Variants in SLC8B1 observed in about 807,000 individuals in gnomAD.
SLC8B1 encodes solute carrier family 8 member B1, also known as mitochondrial sodium/calcium exchanger protein.
A neutral mutation model predicts 63.4 loss-of-function variants in SLC8B1; 52 were observed. The ratio of observed to expected loss-of-function variants is 0.82; its 90% confidence interval spans 0.66 to 1.03. The LOEUF (loss-of-function observed/expected upper bound fraction) is 1.03. SLC8B1 is among the 50% of genes least tolerant of loss of function. The pLI, the probability that SLC8B1 is intolerant of heterozygous loss-of-function variation, is 0.00. For synonymous variants in SLC8B1, 336 were observed against 323.9 expected, an observed-to-expected ratio of 1.04 and a Z score of -0.40; for missense variants, 657 against 741.7, an observed-to-expected ratio of 0.89 and a Z score of 1.33.
In SLC8B1 at chr12:113,335,044, T is replaced by G. The variant is rs1390467092; in HGVS notation, c.-684A>C. The stretch of plus-strand genomic sequence containing the variant: ...CTCCGAACCTCGACCTCGCAGGGCC[T>G]CGCAGCCTTCCAGGTCCCTGGCCGC... On this transcript the variant is annotated 5_prime_UTR_variant, in exon 1 of 16. Coordinates refer to ENST00000680972, the MANE Select transcript of SLC8B1 (RefSeq NM_001358345.2). 2.6e-5 allele frequency: 4 copies of G among 152,356 alleles called. No individual in the cohort carries two copies. The highest frequency in any genetic ancestry group is 9.6e-5 in the African/African-American group (4 of 41,474). 9.4% of individuals were successfully genotyped at this position (152,356 alleles called of 1,614,324 possible). A position where few individuals can be genotyped will look rare whatever the true frequency, so the allele number is the denominator to read the frequency against.
Position 113,320,756 on chromosome 12 carries a change from C to A in SLC8B1, c.421-70G>T. The stretch of plus-strand genomic sequence containing the variant: ...CACCCAGGCCTTCGACCCTATCCCC[C>A]AGCTTCCCCACACGGGGATAGACAT... On this transcript the variant is annotated intron_variant, in intron 5 of 15. Transcript: ENST00000680972. This position sits in a 1 kb window ranked among gnomAD's most constrained non-coding sequence, Gnocchi z 5.3. 1 of 1,580,064 alleles carries A rather than the reference C, an allele frequency of 6.3e-7. No individual in the cohort carries two copies. Among genetic ancestry groups the A allele is most frequent in the East Asian group, 2.3e-5 (1 of 43,744 alleles).
intron 1 of SLC8B1, among the ~76,000 whole-genome samples, chr12:113,333,203 C>T (rs1957080204): frequency 6.8e-6 from 1 of 146,004 alleles, no homozygotes; most frequent in East Asian, 2.8e-4. Flanking sequence ...TCCCACCTGG[C>T]CCCCAGCCTG....
chr12:113,300,178 C>T (rs1313949409), intron 15 of SLC8B1, among the ~76,000 whole-genome samples: 1 of 152,182 alleles, frequency 6.6e-6, no homozygotes, highest in Admixed American at 6.5e-5. Context: ...AATGCACCCT[C>T]AACAACAATG....
chr12:113,307,559 A>G (rs1956692629), intron 13 of SLC8B1, 132 bp downstream of exon 13: 2 of 1,110,632 alleles, frequency 1.8e-6, no homozygotes, highest in Non-Finnish European at 2.5e-6. Context: ...CCACAGTGAC[A>G]GGGGACACTG....
Position 113,332,976 on chromosome 12 carries a change from G to A in SLC8B1, c.-82-16C>T. ...CTCCGGTGGCCTGCAAGGTGGGAGTGAGAAAGGGGGACAACATTACTGAAA... is the reference window on the plus strand; with the variant it reads ...CTCCGGTGGCCTGCAAGGTGGGAGTAAGAAAGGGGGACAACATTACTGAAA... On this transcript the variant is annotated splice_polypyrimidine_tract_variant and intron_variant, in intron 1 of 15. Coordinates refer to ENST00000680972, the MANE Select transcript of SLC8B1 (RefSeq NM_001358345.2). The A allele has an allele frequency of 7.0e-7, 1 of 1,438,004 alleles. No homozygotes were observed. The highest frequency in any genetic ancestry group is 1.3e-5 in the South Asian group (1 of 77,562). 89.1% of individuals were successfully genotyped at this position (1,438,004 alleles called of 1,614,324 possible). A position where few individuals can be genotyped will look rare whatever the true frequency, so the allele number is the denominator to read the frequency against.
At chr12:113,311,095 G>A (rs1438395041) in intron 11 of SLC8B1, among the ~76,000 whole-genome samples, 4 of 152,094 alleles carry the variant, frequency 2.6e-5, no homozygotes, top group African/African-American at 7.2e-5. Context: ...CGTGCAGATC[G>A]CTTGAGCCCA....
At chr12:113,306,150 G>A (rs1454724281) in intron 14 of SLC8B1, among the ~76,000 whole-genome samples, 3 of 144,950 alleles carry the variant, frequency 2.1e-5, no homozygotes, top group Non-Finnish European at 4.5e-5. Context: ...ACCATGACAT[G>A]TCGCTATGAG....
chr12:113,333,075 T>C, intron 1 of SLC8B1, 115 bp from the exon 2 acceptor site: 1 of 646,690 alleles, frequency 1.5e-6, no homozygotes, highest in Non-Finnish European at 2.6e-6. Flanking sequence ...GCAGCAAAGT[T>C]AAGCTGACGG....
Position 113,306,646 on chromosome 12 carries a change from A to G in SLC8B1, c.1412-71T>C, listed in dbSNP as rs753545091. 7.9e-6 allele frequency: 10 copies of G among 1,268,528 alleles called. No individual in the cohort carries two copies. The East Asian group carries it at 2.4e-4, about 30-fold the overall frequency. The allele number at this position is 1,268,528 out of a possible 1,614,324, so 78.6% of individuals were successfully genotyped here. ...ACCCTCCCTGGTCATCCACGCCTTC[A>G]TTCTCACCCACGGTCATTCAGGCAA... On this transcript the variant is annotated intron_variant, in intron 13 of 15. Coordinates refer to ENST00000680972, the MANE Select transcript of SLC8B1 (RefSeq NM_001358345.2).
rs1449389172 is a variant in SLC8B1 at position 113,299,060 on chromosome 12, A to AG, written c.*716dup. On this transcript the variant is annotated 3_prime_UTR_variant, in exon 16 of 16. Transcript: ENST00000680972. ...AGCACAAAGGAGTCTGTGGACAGGC[A>AG]GGGGCAGAATCCTGGAGGGAGCGCC... is the stretch of plus-strand genomic sequence containing the variant. 6.6e-6 allele frequency: 1 copy of AG among 152,666 alleles called. No individual in the cohort carries two copies. The allele number at this position is 152,666 out of a possible 1,614,324, so 9.5% of individuals were successfully genotyped here.
rs1054043196 is a variant in SLC8B1 at position 113,316,337 on chromosome 12, G to A, written c.993+189C>T. Among the ~76,000 whole-genome samples, 12 of 152,196 alleles carry A rather than the reference G, an allele frequency of 7.9e-5. No homozygotes were observed. The South Asian group carries it at 2.5e-3, about 32-fold the overall frequency. On this transcript the variant is annotated intron_variant, in intron 10 of 15. Coordinates refer to ENST00000680972, the MANE Select transcript of SLC8B1 (RefSeq NM_001358345.2). ...ATGGATGTCTTTAGGGGCCACTAGA[G>A]GGCAGAGCCCCAGGTCAAGCCATCA...
At position 113,334,783 on chromosome 12, in the gene SLC8B1, T is replaced by G. The variant is rs1957107163; in HGVS notation, c.-423A>C. On this transcript the variant is annotated 5_prime_UTR_variant, in exon 1 of 16. Transcript: ENST00000680972. ...TACTGATTCACTAGTGAGCATTTAT[T>G]GAGCGCCTTCTGTACGCGTGGGCCG... is the stretch of plus-strand genomic sequence containing the variant. The G allele has an allele frequency of 1.3e-5, 2 of 152,260 alleles. No individual in the cohort carries two copies. Among genetic ancestry groups the G allele is most frequent in the African/African-American group, 4.8e-5 (2 of 41,470 alleles). 9.4% of individuals were successfully genotyped at this position (152,260 alleles called of 1,614,324 possible). A position where few individuals can be genotyped will look rare whatever the true frequency, so the allele number is the denominator to read the frequency against.
At chr12:113,318,215 ATG>A (rs149224597) in intron 8 of SLC8B1, among the ~76,000 whole-genome samples, 30 of 151,092 alleles carry the variant, frequency 2.0e-4, no homozygotes, top group African/African-American at 4.4e-4. Context: ...GTATTCATAT[ATG>A]TGTTGTATGT....
intron 15 of SLC8B1, among the ~76,000 whole-genome samples, chr12:113,300,933 C>G (rs953246509): frequency 6.6e-6 from 1 of 152,134 alleles, no homozygotes; most frequent in African/African-American, 2.4e-5. Context: ...GTTAGGAGTT[C>G]GAGACCAGCC....
Position 113,299,779 on chromosome 12 carries a change from A to T in SLC8B1, c.1753T>A (p.Ter585ArgextTer45). 6.2e-7 allele frequency: 1 copy of T among 1,614,128 alleles called. No homozygotes were observed. The highest frequency in any genetic ancestry group is 8.5e-7 in the Non-Finnish European group (1 of 1,180,010). The part of the protein sequence containing the change: ...EFGVIHLKSM[*>R] ...GCCACAGCACTAAGCGGCTTCAGTC[A>T]CATGCTTTTCAGGTGAATCACTCCA... Residue 585 changes from the stop codon to arginine (R), a stop_lost, in exon 16 of 16, where the codon TGA becomes AGA. Coordinates refer to ENST00000680972, the MANE Select transcript of SLC8B1 (RefSeq NM_001358345.2).
At chr12:113,327,205 G>A (rs1471106677) in intron 2 of SLC8B1, among the ~76,000 whole-genome samples, 2 of 152,278 alleles carry the variant, frequency 1.3e-5, no homozygotes, top group Admixed American at 1.3e-4. Flanking sequence ...GAAGCAGGCG[G>A]GCTGCCATTT....
At chr12:113,332,240 G>GCACAT (rs1307140386) in intron 2 of SLC8B1, among the ~76,000 whole-genome samples, 4 of 152,128 alleles carry the variant, frequency 2.6e-5, no homozygotes, top group African/African-American at 9.7e-5. Context: ...GGGGCACTTA[G>GCACAT]CACATCGCCA....
At chr12:113,307,184 C>T (rs571612217) in intron 13 of SLC8B1, among the ~76,000 whole-genome samples, 15 of 132,192 alleles carry the variant, frequency 1.1e-4, no homozygotes, top group African/African-American at 4.3e-4. Flanking sequence ...GTCTCATCTG[C>T]TGGTAACATG....
At position 113,300,025 on chromosome 12, in the gene SLC8B1, C is replaced by T. The variant is rs374349908; in HGVS notation, c.1558-51G>A. On this transcript the variant is annotated intron_variant, in intron 15 of 15. Coordinates refer to ENST00000680972, the MANE Select transcript of SLC8B1 (RefSeq NM_001358345.2). ...CTGAGTCACTGCCCGTCACAGGCCC[C>T]GCCCCGTCTGTGGCCAACACAACAA... 1.1e-4 allele frequency: 169 copies of T among 1,556,278 alleles called. No individual in the cohort carries two copies. In the Middle Eastern group the frequency reaches 1.1e-3, roughly 11 times the overall value.
Sources: gnomAD v4.1 joint callset for allele counts (sites outside exome capture counted in the v4.1 genomes callset) on GRCh38, gnomAD v4.1.1 for gene constraint, Gnocchi (gnomAD v3.1) non-coding constraint, MANE v1.5 for transcripts, NCBI Gene and HGNC (gene_info 2026-07-23, HGNC 2026-07-21) for gene names.